CNBD1: variants seen among roughly 807,000 people sequenced by gnomAD.
The protein encoded by CNBD1 is cyclic nucleotide binding domain containing 1, also known as cyclic nucleotide-binding domain-containing protein 1.
CNBD1 carries 71 observed loss-of-function variants against 54.4 expected under a neutral mutation model. The ratio of observed to expected loss-of-function variants is 1.30; its 90% CI spans 1.08 to 1.59. The LOEUF (loss-of-function observed/expected upper bound fraction) is 1.59. Among genes scored for constraint, CNBD1 ranks in the 40% most tolerant of loss-of-function variants. The pLI is 0.00. For synonymous variants in CNBD1, 182 were observed against 170.7 expected, an observed-to-expected ratio of 1.07 and a Z score of -0.51; for missense variants, 659 against 518.0, an observed-to-expected ratio of 1.27 and a Z score of -2.64.
At chr8:86,985,596 A>G (rs188953987) in intron 4 of CNBD1, among the ~76,000 whole-genome samples, 60 of 152,352 alleles carry the variant, frequency 3.9e-4, no homozygotes, top group African/African-American at 1.2e-3. Context: ...ATAGTATTCC[A>G]TGATGTGGGT....
At chr8:87,272,456 A>C (rs1445868246) in intron 6 of CNBD1, among the ~76,000 whole-genome samples, 1 of 152,018 alleles carries the variant, frequency 6.6e-6, no homozygotes, top group Non-Finnish European at 1.5e-5. Flanking sequence ...TATTCAACTG[A>C]ATCTTCTTTA....
chr8:87,100,050 G>A (rs1356771389), intron 4 of CNBD1, among the ~76,000 whole-genome samples: 2 of 152,152 alleles, frequency 1.3e-5, no homozygotes, highest in Non-Finnish European at 2.9e-5. Flanking sequence ...AGAATACCAG[G>A]AGAGGATATT....
rs1328033358 is a variant in CNBD1, at chr8:87,373,404, C to T, written c.1304-9216C>T. Among the ~76,000 whole-genome samples, 10 of 151,936 alleles carry T rather than the reference C, an allele frequency of 6.6e-5. No homozygotes were observed. The East Asian group carries it at 1.7e-3, about 27-fold the overall frequency. ...AGGCAGAATTTTTTAAAGGCATTAT[C>T]ACAAACCCTTGCTGCATCTCTCGCT... On this transcript the variant is annotated intron_variant, in intron 10 of 10. Transcript: ENST00000518476.
intron 2 of CNBD1, among the ~76,000 whole-genome samples, chr8:87,411,359 G>A (rs1317142323): frequency 7.3e-6 from 1 of 137,396 alleles, no homozygotes; most frequent in East Asian, 2.4e-4. Context: ...CTATAGCTTT[G>A]CCCAAGCATT....
chr8:87,068,966 C>T (rs1810708536), intron 4 of CNBD1, among the ~76,000 whole-genome samples: 1 of 152,006 alleles, frequency 6.6e-6, no homozygotes. Flanking sequence ...AGAGCAAGTT[C>T]AGAAACTATC....
intron 2 of CNBD1, among the ~76,000 whole-genome samples, chr8:87,425,425 C>T (rs1808028121): frequency 6.6e-6 from 1 of 152,170 alleles, no homozygotes; most frequent in Admixed American, 6.5e-5. Flanking sequence ...TTTTTCTGTT[C>T]TGTTTTTTCT....
At chr8:86,887,660 A>G in intron 2 of CNBD1, 49 bp downstream of exon 2, 2 of 1,335,548 alleles carry the variant, frequency 1.5e-6, no homozygotes, top group Non-Finnish European at 2.1e-6. Context: ...GAATATGAGT[A>G]TTTTTGTTTT....
At chr8:87,371,576 C>T (rs1810797882) in intron 10 of CNBD1, among the ~76,000 whole-genome samples, 1 of 151,922 alleles carries the variant, frequency 6.6e-6, no homozygotes, top group Non-Finnish European at 1.5e-5. Flanking sequence ...AACATTGATG[C>T]AGAAATCCTC....
At chr8:87,352,094 C>A (rs1193496426) in intron 9 of CNBD1, among the ~76,000 whole-genome samples, 1 of 152,016 alleles carries the variant, frequency 6.6e-6, no homozygotes, top group African/African-American at 2.4e-5. Flanking sequence ...ACAAACATAC[C>A]AGATTGGCTA....
rs189336092 is a variant in CNBD1, at chr8:87,201,140, C to A, written c.432-4853C>A. On this transcript the variant is annotated intron_variant, in intron 4 of 10. Transcript: ENST00000518476. ...ATACCATATTATTAGAATAAAAAAA[C>A]CACATGATTTTCTTTATAAATATGA... 7.2e-4 allele frequency among the ~76,000 whole-genome samples: 110 copies of A among 152,070 alleles called. 1 individual carries two copies. Among genetic ancestry groups the A allele is most frequent in the Non-Finnish European group, 1.0e-3 (69 of 67,956 alleles).
intron 4 of CNBD1, among the ~76,000 whole-genome samples, chr8:87,014,042 A>G (rs1809299189): frequency 6.6e-6 from 1 of 152,064 alleles, no homozygotes; most frequent in South Asian, 2.1e-4. Context: ...GCCTAATTAC[A>G]TCTACATGTT....
chr8:87,390,257 G>A (rs940068361), intron 2 of CNBD1, among the ~76,000 whole-genome samples: 1 of 152,042 alleles, frequency 6.6e-6, no homozygotes, highest in Non-Finnish European at 1.5e-5. Context: ...TGGGATCTAA[G>A]TAAACTAAAG....
intron 4 of CNBD1, among the ~76,000 whole-genome samples, chr8:87,070,690 G>A (rs760468877): frequency 3.0e-4 from 45 of 152,018 alleles, no homozygotes; most frequent in Non-Finnish European, 4.7e-4. Context: ...AGGAGCAGAA[G>A]TGATAGCTGG....
chr8:87,426,494 A>G (rs887535653), intron 2 of CNBD1, among the ~76,000 whole-genome samples: 3 of 152,234 alleles, frequency 2.0e-5, no homozygotes, highest in African/African-American at 7.2e-5. Flanking sequence ...GAAATTCTGC[A>G]CAATTCTGTG....
chr8:87,340,503 C>G (rs1205085724), intron 8 of CNBD1, among the ~76,000 whole-genome samples: 7 of 152,134 alleles, frequency 4.6e-5, no homozygotes, highest in Admixed American at 2.6e-4. Context: ...GTTTCTTTCT[C>G]TCTCTTCTCC....
In CNBD1 at chr8:87,037,060, G is replaced by A. The variant is rs182451425; in HGVS notation, c.431+97306G>A. ...GAATTTGTAAATTTTTTGCGACCTC[G>A]AATATAAAAATATGTATTTTACCTC... is the stretch of plus-strand genomic sequence containing the variant. On this transcript the variant is annotated intron_variant, in intron 4 of 10. Coordinates refer to ENST00000518476, the MANE Select transcript of CNBD1 (RefSeq NM_173538.3). Among the ~76,000 whole-genome samples the A allele has an allele frequency of 7.9e-5, 12 of 151,810 alleles. No individual in the cohort carries two copies. The East Asian group carries it at 1.5e-3, about 20-fold the overall frequency.
At chr8:87,024,248 G>GAAAAAAAAAAA (rs747783329) in intron 4 of CNBD1, among the ~76,000 whole-genome samples, 1 of 115,828 alleles carries the variant, frequency 8.6e-6, no homozygotes, top group East Asian at 2.6e-4. Context: ...CAAAAAAAAA[G>GAAAAAAAAAAA]AAAAAAAAAA....
intron 4 of CNBD1, among the ~76,000 whole-genome samples, chr8:87,015,792 C>T (rs1809342339): frequency 6.6e-6 from 1 of 151,758 alleles, no homozygotes; most frequent in Non-Finnish European, 1.5e-5. Flanking sequence ...CACAGACTAA[C>T]CAACATGGTG....
At chr8:86,938,930 C>G (rs559320285) in intron 3 of CNBD1, among the ~76,000 whole-genome samples, 1 of 152,160 alleles carries the variant, frequency 6.6e-6, no homozygotes, top group Non-Finnish European at 1.5e-5. Flanking sequence ...AATTAAAGGT[C>G]TATTATCAAG....
Sources: allele counts gnomAD v4.1 joint callset (sites outside exome capture counted in the v4.1 genomes callset), GRCh38; gene constraint gnomAD v4.1.1; transcripts MANE v1.5; gene names NCBI Gene and HGNC (gene_info 2026-07-23, HGNC 2026-07-21).